ALK: variants seen among roughly 807,000 people sequenced by gnomAD.
The protein encoded by ALK is ALK receptor tyrosine kinase, also known as ALK tyrosine kinase receptor.
Under a neutral mutation model 163.1 loss-of-function variants are expected in ALK, and 74 were observed. That is an observed-to-expected ratio of 0.45 (90% CI 0.38 to 0.55). ALK has a LOEUF of 0.55. Ranked by LOEUF, ALK falls within the 20% of genes least tolerant of loss-of-function variation. The pLI is 0.00. For missense variants in ALK, 2,063 were observed against 2,105.3 expected, an observed-to-expected ratio of 0.98 and a Z score of 0.39; for synonymous variants, 960 against 843.2, an observed-to-expected ratio of 1.14 and a Z score of -2.40.
At chr2:29,592,093 G>C (rs1489372311) in intron 3 of ALK, among the ~76,000 whole-genome samples, 1 of 152,120 alleles carries the variant, frequency 6.6e-6, no homozygotes, top group Non-Finnish European at 1.5e-5. Context: ...GGGGCCTGGG[G>C]GATGGAGTGA....
chr2:29,293,497 G>C (rs1165750496), intron 9 of ALK, among the ~76,000 whole-genome samples: 1 of 152,130 alleles, frequency 6.6e-6, no homozygotes, highest in African/African-American at 2.4e-5. Flanking sequence ...ATATATTGTG[G>C]GTACATATAG....
At chr2:29,251,715 G>C (rs752527689) in intron 11 of ALK, among the ~76,000 whole-genome samples, 1 of 152,198 alleles carries the variant, frequency 6.6e-6, no homozygotes, top group Non-Finnish European at 1.5e-5. Flanking sequence ...AACAACAGGT[G>C]CTCAATCTGT....
chr2:29,534,821 C>T (rs1558372149), intron 3 of ALK, among the ~76,000 whole-genome samples: 1 of 152,102 alleles, frequency 6.6e-6, no homozygotes, highest in South Asian at 2.1e-4. Flanking sequence ...AAATTTGGCA[C>T]CTCAATAATG....
At chr2:29,475,532 C>T (rs545634395) in intron 4 of ALK, among the ~76,000 whole-genome samples, 3 of 152,164 alleles carry the variant, frequency 2.0e-5, no homozygotes, top group Non-Finnish European at 2.9e-5. Flanking sequence ...GTCTCGGGCC[C>T]GCCGGACGAG....
intron 1 of ALK, among the ~76,000 whole-genome samples, chr2:29,851,083 C>G (rs7558435): frequency 0.27 from 40,806 of 152,166 alleles, 6,274 homozygotes; most frequent in East Asian, 0.53. Flanking sequence ...TATATATATT[C>G]AAAGACTTCC....
At chr2:29,569,121 C>T (rs1674280686) in intron 3 of ALK, among the ~76,000 whole-genome samples, 1 of 152,122 alleles carries the variant, frequency 6.6e-6, no homozygotes, top group Non-Finnish European at 1.5e-5. Context: ...GCCCTCTGGG[C>T]ACTGACTGTT....
intron 5 of ALK, among the ~76,000 whole-genome samples, chr2:29,347,258 C>A (rs560439176): frequency 6.6e-6 from 1 of 152,154 alleles, no homozygotes; most frequent in Non-Finnish European, 1.5e-5. Flanking sequence ...GGGTCTCTGG[C>A]CCTGCCTGAG....
intron 1 of ALK, among the ~76,000 whole-genome samples, chr2:29,734,843 A>C (rs1280223900): frequency 6.6e-6 from 1 of 152,100 alleles, no homozygotes; most frequent in African/African-American, 2.4e-5. Flanking sequence ...TTGGTAATTT[A>C]AATACAATTT....
At chr2:29,568,760 C>T (rs1674267406) in intron 3 of ALK, among the ~76,000 whole-genome samples, 1 of 152,180 alleles carries the variant, frequency 6.6e-6, no homozygotes, top group East Asian at 1.9e-4. Flanking sequence ...AAGCTCTTCT[C>T]CCCTTTGGGG....
chr2:29,222,282 C>T (rs2148168305), intron 22 of ALK, 62 bp downstream of exon 22: 1 of 1,493,996 alleles, frequency 6.7e-7, no homozygotes, highest in Non-Finnish European at 9.3e-7. Flanking sequence ...CTGTTAGAAA[C>T]CTCTCCAGGT....
chr2:29,770,292 T>TC (rs1421719559), intron 1 of ALK, among the ~76,000 whole-genome samples: 1 of 152,188 alleles, frequency 6.6e-6, no homozygotes, highest in Non-Finnish European at 1.5e-5. Flanking sequence ...CTAGGAGAGC[T>TC]TTTCCAAGGG....
chr2:29,839,476 T>C (rs1665646733), intron 1 of ALK, among the ~76,000 whole-genome samples: 1 of 152,092 alleles, frequency 6.6e-6, no homozygotes, highest in Non-Finnish European at 1.5e-5. Flanking sequence ...AGCAAAGCAT[T>C]AGGATAATTG....
At chr2:29,212,445 C>G (rs1471634960) in intron 24 of ALK, among the ~76,000 whole-genome samples, 2 of 152,178 alleles carry the variant, frequency 1.3e-5, no homozygotes, top group Non-Finnish European at 2.9e-5. Context: ...TAAAGCTAGG[C>G]CCAGCTCCTT....
At chr2:29,318,461 G>A (rs2148248463) in intron 7 of ALK, 57 bp from the exon 8 acceptor site, 2 of 1,257,938 alleles carry the variant, frequency 1.6e-6, no homozygotes, top group Non-Finnish European at 2.3e-6. Context: ...GGGGACCAGG[G>A]GTGCAGGGTT....
intron 3 of ALK, among the ~76,000 whole-genome samples, chr2:29,585,759 G>A (rs1674868755): frequency 6.6e-6 from 1 of 151,490 alleles, no homozygotes; most frequent in African/African-American, 2.4e-5. Context: ...TCATTTGGGG[G>A]CTTTTAGCAT....
At chr2:29,633,930 C>T (rs2148239182) in intron 3 of ALK, among the ~76,000 whole-genome samples, 1 of 152,170 alleles carries the variant, frequency 6.6e-6, no homozygotes, top group Non-Finnish European at 1.5e-5. Flanking sequence ...TTAAAAACTC[C>T]CCCAAAAGAA....
intron 4 of ALK, among the ~76,000 whole-genome samples, chr2:29,420,006 A>T (rs1289704378): frequency 6.6e-6 from 1 of 151,126 alleles, no homozygotes; most frequent in Admixed American, 6.6e-5. Flanking sequence ...TGAAAATACA[A>T]AAATTAGCTG....
chr2:29,260,671 C>T (rs1231025622), intron 11 of ALK, among the ~76,000 whole-genome samples: 1 of 151,924 alleles, frequency 6.6e-6, no homozygotes, highest in East Asian at 1.9e-4. Context: ...ACCGTCTCTA[C>T]TGAAAATACA....
chr2:29,516,710 G>A (rs1672675681), intron 4 of ALK, among the ~76,000 whole-genome samples: 2 of 152,146 alleles, frequency 1.3e-5, no homozygotes, highest in South Asian at 2.1e-4. Context: ...TGTGAAATGG[G>A]GATAATAATA....
Sources: gnomAD v4.1 joint callset for allele counts (sites outside exome capture counted in the v4.1 genomes callset) on GRCh38, gnomAD v4.1.1 for gene constraint, MANE v1.5 for transcripts, NCBI Gene and HGNC (gene_info 2026-07-23, HGNC 2026-07-21) for gene names.